LYPD6B: variants seen among roughly 807,000 people sequenced by gnomAD.
LYPD6B encodes ly6/PLAUR domain-containing protein 6B.
LYPD6B carries 17 observed loss-of-function variants against 22.8 expected under a neutral mutation model. The observed-to-expected ratio is 0.75, with a 90% CI of 0.51 to 1.12. LYPD6B has a LOEUF of 1.12. Ranked by LOEUF, LYPD6B falls within the 50% of genes most tolerant of loss-of-function variation. LYPD6B has a pLI of 0.00. For missense variants in LYPD6B, 221 were observed against 258.3 expected, an observed-to-expected ratio of 0.86 and a Z score of 0.99; for synonymous variants, 106 against 91.6, an observed-to-expected ratio of 1.16 and a Z score of -0.90.
At chr2:149,083,887 T>C (rs1374243057) in intron 1 of LYPD6B, among the ~76,000 whole-genome samples, 2 of 151,762 alleles carry the variant, frequency 1.3e-5, no homozygotes, top group Non-Finnish European at 2.9e-5. Context: ...CCATCCTGGC[T>C]AACACGGTGA....
At chr2:149,047,483 G>T (rs1683365087) in intron 1 of LYPD6B, among the ~76,000 whole-genome samples, 1 of 151,894 alleles carries the variant, frequency 6.6e-6, no homozygotes, top group African/African-American at 2.4e-5. Context: ...CTTTTCATTT[G>T]ATGTTTCATT....
At chr2:149,058,521 A>G (rs1332809985) in intron 1 of LYPD6B, among the ~76,000 whole-genome samples, 1 of 152,226 alleles carries the variant, frequency 6.6e-6, no homozygotes, top group African/African-American at 2.4e-5. Flanking sequence ...CAGCAACAGA[A>G]ACACTGCTCA....
chr2:149,169,748 G>A (rs1266850921), intron 3 of LYPD6B, among the ~76,000 whole-genome samples: 1 of 152,098 alleles, frequency 6.6e-6, no homozygotes, highest in Non-Finnish European at 1.5e-5. Flanking sequence ...TTAAATACAG[G>A]GTTTTAAGAT....
chr2:149,156,468 G>A (rs528468497), intron 2 of LYPD6B, among the ~76,000 whole-genome samples: 17 of 152,278 alleles, frequency 1.1e-4, no homozygotes, highest in African/African-American at 2.6e-4. Flanking sequence ...AGATGATGTG[G>A]CTTAAACAAG....
chr2:149,214,457 C>G, intron 6 of LYPD6B, 89 bp from the exon 7 acceptor site: 1 of 1,382,330 alleles, frequency 7.2e-7, no homozygotes, highest in Non-Finnish European at 1.0e-6. Flanking sequence ...TCAGATAGAG[C>G]TCAAGAAGCC....
chr2:149,104,216 T>G (rs1465767977), intron 1 of LYPD6B, among the ~76,000 whole-genome samples: 1 of 152,204 alleles, frequency 6.6e-6, no homozygotes, highest in Non-Finnish European at 1.5e-5. Flanking sequence ...GTATGAACAT[T>G]TGTGTACAGA....
At chr2:149,041,098 C>CAAAAAA (rs552623435) in intron 1 of LYPD6B, among the ~76,000 whole-genome samples, 8 of 110,720 alleles carry the variant, frequency 7.2e-5, no homozygotes, top group East Asian at 3.3e-4. Context: ...GACTCCGTCT[C>CAAAAAA]AAAAAAAAAA....
intron 3 of LYPD6B, among the ~76,000 whole-genome samples, chr2:149,185,495 A>G (rs1310234817): frequency 6.6e-6 from 1 of 152,216 alleles, no homozygotes; most frequent in African/African-American, 2.4e-5. Flanking sequence ...GAAAAATGCA[A>G]GGTTTGGAGA....
chr2:149,187,383 T>G (rs990412598), intron 3 of LYPD6B: 2 of 1,473,824 alleles, frequency 1.4e-6, no homozygotes, highest in Admixed American at 2.6e-5. Flanking sequence ...TCTGCCATGG[T>G]CCCATGACTT....
At chr2:149,070,512 G>A (rs1011251307) in intron 1 of LYPD6B, among the ~76,000 whole-genome samples, 2 of 151,822 alleles carry the variant, frequency 1.3e-5, no homozygotes, top group African/African-American at 4.8e-5. Context: ...TTGTATTTTC[G>A]ATGGTATTCC....
At chr2:149,120,375 A>ATTTTTTTT (rs1454444460) in intron 1 of LYPD6B, among the ~76,000 whole-genome samples, 1 of 30,714 alleles carries the variant, frequency 3.3e-5, no homozygotes, top group African/African-American at 1.6e-4. Flanking sequence ...ATATATATAT[A>ATTTTTTTT]TATATATATT....
intron 1 of LYPD6B, among the ~76,000 whole-genome samples, chr2:149,129,267 A>G (rs930814429): frequency 3.9e-5 from 6 of 152,244 alleles, no homozygotes; most frequent in Non-Finnish European, 5.9e-5. Flanking sequence ...GAAAACAAAT[A>G]AATTTAAGAG....
chr2:149,191,783 C>G (rs143951731), intron 3 of LYPD6B, among the ~76,000 whole-genome samples: 1 of 152,050 alleles, frequency 6.6e-6, no homozygotes, highest in Non-Finnish European at 1.5e-5. Context: ...TGATCCCTAA[C>G]GAAAGTACTA....
chr2:149,046,573 C>T (rs1018658148), intron 1 of LYPD6B, among the ~76,000 whole-genome samples: 7 of 151,810 alleles, frequency 4.6e-5, no homozygotes, highest in East Asian at 3.9e-4. Flanking sequence ...AGTACAGTGG[C>T]GCAATCTTGG....
At chr2:149,159,589 CGT>C (rs60129822) in intron 2 of LYPD6B, among the ~76,000 whole-genome samples, 51,976 of 145,540 alleles carry the variant, frequency 0.36, 9,066 homozygotes, top group Non-Finnish European at 0.4. Context: ...CATATGTGTG[CGT>C]GTGTGTGTGT....
chr2:149,081,989 G>C (rs901385868), intron 1 of LYPD6B, among the ~76,000 whole-genome samples: 1 of 152,088 alleles, frequency 6.6e-6, no homozygotes, highest in Non-Finnish European at 1.5e-5. Context: ...CTTCTATGTA[G>C]GTATTGTGTA....
chr2:149,084,120 A>AAAT (rs1553480642), intron 1 of LYPD6B, among the ~76,000 whole-genome samples: 7 of 152,048 alleles, frequency 4.6e-5, no homozygotes, highest in Non-Finnish European at 7.4e-5. Flanking sequence ...AAAATAAAAT[A>AAAT]AAACACTTTT....
chr2:149,213,004 G>C lies in LYPD6B; in HGVS notation c.341G>C (p.Cys114Ser), dbSNP rs1316713824. The C allele has an allele frequency of 6.2e-7, 1 of 1,613,914 alleles. No homozygotes were observed. The highest frequency in any genetic ancestry group is 1.1e-5 in the South Asian group (1 of 91,080). ...TCCTCTTGCCTAGATACACAGTACTGTTTGACAGTTCATCACTTCACCAGC... is the reference window on the plus strand; with the variant it reads ...TCCTCTTGCCTAGATACACAGTACTCTTTGACAGTTCATCACTTCACCAGC... ...DKWCPQNTQY[C>S]LTVHHFTSHG... Residue 114 changes from cysteine to serine, a missense_variant, in exon 6 of 7, where the codon TGT (cysteine) becomes TCT (serine). Coordinates refer to ENST00000409642, the MANE Select transcript of LYPD6B (RefSeq NM_177964.5).
intron 2 of LYPD6B, among the ~76,000 whole-genome samples, chr2:149,150,733 T>A (rs942566124): frequency 2.6e-5 from 4 of 152,218 alleles, no homozygotes; most frequent in Admixed American, 2.0e-4. Flanking sequence ...TCGTAAAAAA[T>A]TAAAAATATA....
Sources: gnomAD v4.1 joint callset for allele counts (sites outside exome capture counted in the v4.1 genomes callset) on GRCh38, gnomAD v4.1.1 for gene constraint, MANE v1.5 for transcripts, NCBI Gene and HGNC (gene_info 2026-07-23, HGNC 2026-07-21) for gene names.